RABGEF1: variants seen among roughly 807,000 people sequenced by gnomAD.
The protein encoded by RABGEF1 is rab5 GDP/GTP exchange factor.
RABGEF1 carries 26 observed loss-of-function variants against 57.3 expected under a neutral mutation model. The ratio of observed to expected loss-of-function variants is 0.45; its 90% confidence interval spans 0.33 to 0.63. The LOEUF is 0.63. Among genes scored for constraint, RABGEF1 ranks in the 20% least tolerant of loss-of-function variants. The probability of loss-of-function intolerance (pLI) is 0.02; values close to 1 mark genes in which losing one functional copy is unlikely to be tolerated. For missense variants in RABGEF1, 464 were observed against 607.6 expected (o/e 0.76, Z 2.48); for synonymous variants, 185 against 210.7 (o/e 0.88, Z 1.06).
At chr7:66,771,113 G>A (rs1807011686) in intron 1 of RABGEF1, among the ~76,000 whole-genome samples, 2 of 151,902 alleles carry the variant, frequency 1.3e-5, no homozygotes, top group East Asian at 1.9e-4. Flanking sequence ...GTTGGTTCCT[G>A]TGTTTTGCAG....
chr7:66,756,631 A>G (rs1802792345), intron 1 of RABGEF1, among the ~76,000 whole-genome samples: 1 of 151,918 alleles, frequency 6.6e-6, no homozygotes, highest in Admixed American at 6.6e-5. Flanking sequence ...AACTAGCTAG[A>G]TGTTTCAGTT....
chr7:66,717,734 G>C (rs1328380851), intron 2 of RABGEF1, among the ~76,000 whole-genome samples: 1 of 151,730 alleles, frequency 6.6e-6, no homozygotes, highest in Non-Finnish European at 1.5e-5. Context: ...TAATTTTTTT[G>C]TATTTTTCAG....
the RABGEF1 span, among the ~76,000 whole-genome samples, chr7:66,676,775 G>A: frequency 6.6e-6 from 1 of 152,182 alleles, no homozygotes; most frequent in Non-Finnish European, 1.5e-5. Context: ...CATGGAGGGG[G>A]TTCTCACTAT....
intron 1 of RABGEF1, among the ~76,000 whole-genome samples, chr7:66,704,572 AG>A (rs1369046856): frequency 1.3e-5 from 2 of 152,188 alleles, no homozygotes; most frequent in East Asian, 3.9e-4. Context: ...GCACTTTGGG[AG>A]GCCGAGGCGG....
At chr7:66,800,356 G>C (rs1787004314) in intron 7 of RABGEF1, among the ~76,000 whole-genome samples, 1 of 152,130 alleles carries the variant, frequency 6.6e-6, no homozygotes, top group African/African-American at 2.4e-5. Flanking sequence ...AACGGCAAGA[G>C]GGTCTGCTCC....
intron 2 of RABGEF1, among the ~76,000 whole-genome samples, chr7:66,735,536 T>C (rs567406434): frequency 6.6e-6 from 1 of 152,348 alleles, no homozygotes. Context: ...CCAAATCTCA[T>C]GTCAAATTGT....
intron 1 of RABGEF1, among the ~76,000 whole-genome samples, chr7:66,691,145 GAA>G (rs1283013450): frequency 1.3e-5 from 2 of 152,156 alleles, no homozygotes. Context: ...ATGGATTAGT[GAA>G]AAGTCTCATA....
At chr7:66,735,838 A>G (rs573824474), upstream of RABGEF1, among the ~76,000 whole-genome samples, 10 of 152,290 alleles carry the variant, frequency 6.6e-5, no homozygotes, top group East Asian at 1.7e-3. Flanking sequence ...TCCTTTATAA[A>G]TCACCCAGTC....
At chr7:66,738,607 C>T (rs182492633), upstream of RABGEF1, among the ~76,000 whole-genome samples, 110 of 151,950 alleles carry the variant, frequency 7.2e-4, no homozygotes, top group East Asian at 0.019. Flanking sequence ...TGGCACACAC[C>T]TATCATCCCA....
chr7:66,702,614 G>C (rs1477434383), intron 1 of RABGEF1, among the ~76,000 whole-genome samples: 1 of 151,994 alleles, frequency 6.6e-6, no homozygotes, highest in Non-Finnish European at 1.5e-5. Context: ...TGAGAACTCC[G>C]ATTTCTCCAG....
At chr7:66,753,257 G>T (rs1387726819) in intron 1 of RABGEF1, among the ~76,000 whole-genome samples, 1 of 152,106 alleles carries the variant, frequency 6.6e-6, no homozygotes, top group African/African-American at 2.4e-5. Context: ...GAATCAAAGG[G>T]GGTGCTTTTA....
intron 5 of RABGEF1, 42 bp from the exon 6 acceptor site, chr7:66,797,332 A>C: frequency 6.5e-7 from 1 of 1,535,962 alleles, no homozygotes; most frequent in East Asian, 2.4e-5. Flanking sequence ...GAGAGAGAAA[A>C]AATATATATA....
rs1404970730 is a variant in RABGEF1 at position 66,771,865 on chromosome 7, A to G, written c.-17-18A>G. On this transcript the variant is annotated intron_variant, in intron 1 of 8. Transcript: ENST00000284957. ...AGAATGATAATTCATTTTCAACAGC[A>G]CTTTCTTGTTTGTTCAGTGGTTAGC... 2.9e-6 allele frequency: 4 copies of G among 1,395,950 alleles called. No individual in the cohort carries two copies. The African/African-American group carries it at 4.5e-5, about 16-fold the overall frequency. The allele number at this position is 1,395,950 out of a possible 1,614,324, so 86.5% of individuals were successfully genotyped here. A position where few individuals can be genotyped will look rare whatever the true frequency, so the allele number is the denominator to read the frequency against.
At chr7:66,664,447 G>A in the RABGEF1 span, among the ~76,000 whole-genome samples, 1 of 149,210 alleles carries the variant, frequency 6.7e-6, no homozygotes, top group Non-Finnish European at 1.5e-5. Context: ...TTTTTAATTA[G>A]TCAAGGGTAG....
chr7:66,736,090 T>C (rs544226298), upstream of RABGEF1, among the ~76,000 whole-genome samples: 1 of 152,084 alleles, frequency 6.6e-6, no homozygotes, highest in South Asian at 2.1e-4. Flanking sequence ...ATGAAAGGGA[T>C]GATGATGGAA....
chr7:66,800,809 T>C (rs1787115622), intron 7 of RABGEF1, among the ~76,000 whole-genome samples: 2 of 152,182 alleles, frequency 1.3e-5, no homozygotes, highest in South Asian at 2.1e-4. Context: ...TTCACCCAAG[T>C]AGGGCATGGT....
At chr7:66,704,367 A>G (rs913922486) in intron 1 of RABGEF1, among the ~76,000 whole-genome samples, 2 of 152,192 alleles carry the variant, frequency 1.3e-5, no homozygotes, top group African/African-American at 4.8e-5. Flanking sequence ...TATTGCTTTA[A>G]TGGACTGATG....
intron 6 of RABGEF1, 59 bp from the exon 7 acceptor site, chr7:66,799,264 C>T: frequency 7.0e-7 from 1 of 1,420,854 alleles, no homozygotes; most frequent in South Asian, 1.2e-5. Flanking sequence ...AAGGAGGTGA[C>T]AAGACAAATG....
At chr7:66,678,287 C>T (rs891556525), upstream of RABGEF1, among the ~76,000 whole-genome samples, 28 of 152,000 alleles carry the variant, frequency 1.8e-4, no homozygotes, top group Admixed American at 3.9e-4. Flanking sequence ...TCCAGTAGGC[C>T]GGGCGCGGTG....
Sources: allele counts gnomAD v4.1 joint callset (sites outside exome capture counted in the v4.1 genomes callset), GRCh38; gene constraint gnomAD v4.1.1; transcripts MANE v1.5; gene names NCBI Gene and HGNC (gene_info 2026-07-23, HGNC 2026-07-21).